DENND4C: variants seen among roughly 807,000 people sequenced by gnomAD.
DENND4C encodes DENN domain containing 4C.
DENND4C carries 108 observed loss-of-function variants against 203.0 expected under a neutral mutation model. The ratio of observed to expected loss-of-function variants is 0.53; its 90% CI spans 0.46 to 0.62. DENND4C has a LOEUF of 0.62. DENND4C is among the 20% of genes least tolerant of loss of function. The pLI is 0.00. For missense variants in DENND4C, 2,481 were observed against 2,301.2 expected (o/e 1.08, Z -1.60); for synonymous variants, 871 against 792.4 (o/e 1.10, Z -1.67).
chr9:19,373,081 CTGA>C lies in DENND4C; in HGVS notation c.*912_*914del, dbSNP rs1829110337. On this transcript the variant is annotated 3_prime_UTR_variant, in exon 33 of 33. Transcript: ENST00000434457. ...ATTAATCTTAAAATTACCTGAAAAT[CTGA>C]TGACAGCTGCCTTCCCTAACTTTAA... 1.3e-5 allele frequency: 2 copies of C among 152,130 alleles called. No homozygotes were observed. Among genetic ancestry groups the C allele is most frequent in the African/African-American group, 4.8e-5 (2 of 41,422 alleles). 9.4% of individuals were successfully genotyped at this position (152,130 alleles called of 1,614,324 possible).
At chr9:19,309,283 A>T (rs569765885) in intron 10 of DENND4C, among the ~76,000 whole-genome samples, 2 of 152,184 alleles carry the variant, frequency 1.3e-5, no homozygotes, top group South Asian at 4.1e-4. Context: ...CTAGCCGGGC[A>T]TGGTGGTGCA....
At chr9:19,332,785 T>A (rs1819537733) in intron 17 of DENND4C, among the ~76,000 whole-genome samples, 1 of 148,048 alleles carries the variant, frequency 6.8e-6, no homozygotes, top group Non-Finnish European at 1.5e-5. Flanking sequence ...TTTTTTTTTT[T>A]AAGGGATGGA....
chr9:19,326,083 A>AT lies in DENND4C; in HGVS notation c.2009_2010insT (p.Glu670AspfsTer10). 1 of 1,611,354 alleles carries AT rather than the reference A, an allele frequency of 6.2e-7. No homozygotes were observed. Among genetic ancestry groups the AT allele is most frequent in the Non-Finnish European group, 8.5e-7 (1 of 1,179,298 alleles). The stretch of plus-strand genomic sequence containing the variant: ...TTTCAGGTTGATTTTGATTCAGCAG[A>AT]AGATACCAGATTGATAGAACTAGAT... On this transcript the variant is annotated frameshift_variant, in exon 15 of 33. Coordinates refer to ENST00000434457, the MANE Select transcript of DENND4C (RefSeq NM_001330640.2). LOFTEE classifies it high-confidence loss of function.
At chr9:19,247,897 C>T (rs191038170) in intron 1 of DENND4C, among the ~76,000 whole-genome samples, 1 of 152,184 alleles carries the variant, frequency 6.6e-6, no homozygotes, top group Non-Finnish European at 1.5e-5. Context: ...TACTTCCAAT[C>T]CACCAGCAGC....
At chr9:19,334,894 A>T (rs1014618211) in intron 17 of DENND4C, 83 bp from the exon 18 acceptor site, 4 of 1,316,350 alleles carry the variant, frequency 3.0e-6, no homozygotes, top group Non-Finnish European at 4.1e-6. Flanking sequence ...TAATAACTTC[A>T]TGGAAAGAAT....
intron 1 of DENND4C, among the ~76,000 whole-genome samples, chr9:19,244,676 G>GTA (rs1824682666): frequency 6.6e-6 from 1 of 150,816 alleles, no homozygotes; most frequent in Non-Finnish European, 1.5e-5. Flanking sequence ...GGAGGTGGAG[G>GTA]TTGCAGTGAG....
chr9:19,291,615 G>A (rs1588855373), intron 5 of DENND4C, among the ~76,000 whole-genome samples: 1 of 150,826 alleles, frequency 6.6e-6, no homozygotes, highest in Non-Finnish European at 1.5e-5. Flanking sequence ...TGAGGCATGA[G>A]AATTGCTTGA....
Position 19,294,533 on chromosome 9 carries a change from G to C in DENND4C, c.802-1475G>C, listed in dbSNP as rs546035418. 3.3e-5 allele frequency among the ~76,000 whole-genome samples: 5 copies of C among 152,194 alleles called. No individual in the cohort carries two copies. The South Asian group carries it at 1.0e-3, about 32-fold the overall frequency. On this transcript the variant is annotated intron_variant, in intron 5 of 32. Transcript: ENST00000434457. The stretch of plus-strand genomic sequence containing the variant: ...ATATGATCGAGCAGTTTCATGCCTA[G>C]GCATATACCTAAAATAATTGAAAGC...
chr9:19,231,063 C>T (rs1299349785), intron 1 of DENND4C, among the ~76,000 whole-genome samples: 1 of 152,208 alleles, frequency 6.6e-6, no homozygotes, highest in African/African-American at 2.4e-5. Context: ...CTGCGGGATG[C>T]AGTCGGGGAA....
intron 10 of DENND4C, among the ~76,000 whole-genome samples, chr9:19,307,442 A>G (rs1358465812): frequency 6.6e-6 from 1 of 151,392 alleles, no homozygotes; most frequent in Admixed American, 6.6e-5. Flanking sequence ...TATACAGAAT[A>G]ATGTAAATAA....
intron 1 of DENND4C, among the ~76,000 whole-genome samples, chr9:19,275,092 C>T (rs143598873): frequency 0.021 from 3,171 of 152,054 alleles, 117 homozygotes; most frequent in African/African-American, 0.072. Context: ...ATTCTCCTGC[C>T]TCAGCCTCCC....
upstream of DENND4C, chr9:19,230,656 C>T (rs1820269705): frequency 6.6e-6 from 1 of 152,176 alleles, no homozygotes; most frequent in Admixed American, 6.5e-5. Context: ...GTAGGCGGCG[C>T]CCCTCGGAGA....
At position 19,316,002 on chromosome 9, in the gene DENND4C, G is replaced by A. The variant is rs1300660248; in HGVS notation, c.1488-415G>A. 2.0e-5 allele frequency among the ~76,000 whole-genome samples: 3 copies of A among 152,092 alleles called. No individual in the cohort carries two copies. The East Asian group carries it at 5.8e-4, about 29-fold the overall frequency. On this transcript the variant is annotated intron_variant, in intron 10 of 32. Coordinates refer to ENST00000434457, the MANE Select transcript of DENND4C (RefSeq NM_001330640.2). Reference sequence around the variant, plus strand: ...ATGATTATTTTTAACTGTGAGGGCTGGATGAACTACATGTGCTTTTAATCC... The same window carrying A: ...ATGATTATTTTTAACTGTGAGGGCTAGATGAACTACATGTGCTTTTAATCC...
chr9:19,322,169 G>C (rs989973502), intron 12 of DENND4C, among the ~76,000 whole-genome samples: 1 of 152,144 alleles, frequency 6.6e-6, no homozygotes, highest in East Asian at 1.9e-4. Context: ...AAATTAAATT[G>C]ATTCCAGAAA....
At chr9:19,258,624 A>G (rs1301303470) in intron 1 of DENND4C, among the ~76,000 whole-genome samples, 2 of 152,170 alleles carry the variant, frequency 1.3e-5, no homozygotes, top group African/African-American at 2.4e-5. Flanking sequence ...AGTGCTTGAT[A>G]AATTCTAATA....
chr9:19,250,641 T>TA lies in DENND4C; in HGVS notation c.-18+19809dup, dbSNP rs529287498. ...CTTGTAAAATCAAAAGCAAGTTAGT[T>TA]ACTTCCTGGATTCAATGGGGGCACA... On this transcript the variant is annotated intron_variant, in intron 1 of 32. Transcript: ENST00000434457. 5.2e-3 allele frequency among the ~76,000 whole-genome samples: 786 copies of TA among 151,594 alleles called. 7 individuals are homozygous for TA. The highest frequency in any genetic ancestry group is 0.018 in the African/African-American group (745 of 40,944).
At position 19,324,401 on chromosome 9, in the gene DENND4C, A is replaced by T; in HGVS notation, c.1847A>T (p.Tyr616Phe). The T allele has an allele frequency of 6.2e-7, 1 of 1,612,004 alleles. No homozygotes were observed. The highest frequency in any genetic ancestry group is 8.5e-7 in the Non-Finnish European group (1 of 1,179,348). The change falls in exon 13 of 33, where the codon TAT becomes TTT. Residue 616 changes from tyrosine to phenylalanine, a missense_variant. This residue lies in a region of DENND4C where 2,289 missense variants were observed against 2,113.3 expected (regional missense o/e 1.08). Coordinates refer to ENST00000434457, the MANE Select transcript of DENND4C (RefSeq NM_001330640.2). The part of the protein sequence containing the change: ...KSRDRAYAKF[Y>F]TLLSKTQIFI... ...CGAGATCGTGCCTATGCAAAATTCT[A>T]TACCCTTTTATCCAAAACACAGATT...
In DENND4C at chr9:19,296,009, T is replaced by TA; in HGVS notation, c.804dup (p.Tyr269IlefsTer9). ...TAACAGAATTCTGTTACTCTTTAGG[T>TA]ATATGGAGCTGCCATTCAGTTTTAT... On this transcript the variant is annotated frameshift_variant and splice_region_variant, in exon 6 of 33. Coordinates refer to ENST00000434457, the MANE Select transcript of DENND4C (RefSeq NM_001330640.2). LOFTEE classifies it high-confidence loss of function. 3 of 1,606,298 alleles carry TA rather than the reference T, an allele frequency of 1.9e-6. No homozygotes were observed. The highest frequency in any genetic ancestry group is 2.6e-6 in the Non-Finnish European group (3 of 1,173,168).
chr9:19,283,911 A>G (rs1834676193), intron 2 of DENND4C, among the ~76,000 whole-genome samples: 1 of 152,080 alleles, frequency 6.6e-6, no homozygotes, highest in South Asian at 2.1e-4. Flanking sequence ...ATTTCTTGAG[A>G]CACAGAATCA....
Sources: allele counts gnomAD v4.1 joint callset (sites outside exome capture counted in the v4.1 genomes callset), GRCh38; gene constraint gnomAD v4.1.1; regional missense constraint gnomAD v4.1.1; transcripts MANE v1.5; gene names NCBI Gene and HGNC (gene_info 2026-07-23, HGNC 2026-07-21).